TMEM108: variants seen among roughly 807,000 people sequenced by gnomAD.
TMEM108 encodes the protein cancer/testis antigen 124.
Under a neutral mutation model 35.1 loss-of-function variants are expected in TMEM108, and 12 were observed. The observed-to-expected ratio is 0.34, with a 90% CI of 0.22 to 0.55. The LOEUF (loss-of-function observed/expected upper bound fraction) is 0.55. Ranked by LOEUF, TMEM108 falls within the 20% of genes least tolerant of loss-of-function variation. TMEM108 has a pLI of 0.89. For missense variants in TMEM108, 680 were observed against 753.3 expected, an observed-to-expected ratio of 0.90 and a Z score of 1.14; for synonymous variants, 287 against 308.6, an observed-to-expected ratio of 0.93 and a Z score of 0.73.
At chr3:133,321,389 C>T (rs190642458) in intron 3 of TMEM108, among the ~76,000 whole-genome samples, 1 of 152,234 alleles carries the variant, frequency 6.6e-6, no homozygotes, top group Admixed American at 6.5e-5. Context: ...ACAAAACAAA[C>T]TTTGAAGCAA....
intron 2 of TMEM108, among the ~76,000 whole-genome samples, chr3:133,139,208 T>C (rs1370777230): frequency 5.3e-5 from 8 of 152,240 alleles, no homozygotes; most frequent in Non-Finnish European, 1.2e-4. Context: ...TTGTGAATAG[T>C]GCTGCAATAA....
At chr3:133,381,303 A>G (rs938699001) in intron 4 of TMEM108, 142 bp downstream of exon 4, 17 of 888,452 alleles carry the variant, frequency 1.9e-5, no homozygotes, top group Non-Finnish European at 2.4e-5. Flanking sequence ...GTATCAGGAC[A>G]GGTTATCCCT....
At chr3:133,348,704 G>A (rs768541170) in intron 3 of TMEM108, among the ~76,000 whole-genome samples, 15 of 152,120 alleles carry the variant, frequency 9.9e-5, no homozygotes, top group Non-Finnish European at 2.2e-4. Context: ...TTGGCTCAGT[G>A]AGATTTCTGG....
intron 4 of TMEM108, 123 bp downstream of exon 4, chr3:133,381,284 G>A: frequency 9.5e-7 from 1 of 1,057,156 alleles, no homozygotes; most frequent in Admixed American, 2.8e-5. Context: ...CAGAATCTCA[G>A]GAAACTAGGT....
intron 2 of TMEM108, among the ~76,000 whole-genome samples, chr3:133,181,383 T>G (rs1044715026): frequency 6.6e-6 from 1 of 152,228 alleles, no homozygotes; most frequent in African/African-American, 2.4e-5. Flanking sequence ...TCCTTGTGAC[T>G]ACCATGAACT....
Position 133,271,255 on chromosome 3 carries a change from G to T in TMEM108, c.40+41904G>T, listed in dbSNP as rs1012220154. On this transcript the variant is annotated intron_variant, in intron 3 of 5. Coordinates refer to ENST00000321871, the MANE Select transcript of TMEM108 (RefSeq NM_023943.4). ...TCTGCTGTAGAACGGAAAGAGTTGG[G>T]AAACAGGAGGAGGACCAGAGAATAG... is the stretch of plus-strand genomic sequence containing the variant. Among the ~76,000 whole-genome samples, 4 of 152,332 alleles carry T rather than the reference G, an allele frequency of 2.6e-5. No homozygotes were observed. The South Asian group carries it at 8.3e-4, about 32-fold the overall frequency.
chr3:133,101,410 G>A (rs138011873), intron 2 of TMEM108, among the ~76,000 whole-genome samples: 7 of 152,170 alleles, frequency 4.6e-5, no homozygotes, highest in Admixed American at 2.6e-4. Context: ...TATTTCCAAC[G>A]TGATCCTTCT....
At chr3:133,057,435 G>GTATATATATATATA (rs56983894) in intron 2 of TMEM108, among the ~76,000 whole-genome samples, 2 of 45,756 alleles carry the variant, frequency 4.4e-5, no homozygotes, top group African/African-American at 1.4e-4. Context: ...GTGTGTGTGT[G>GTATATATATATATA]TATATATATA....
chr3:133,222,424 A>G (rs1483365868), intron 2 of TMEM108, among the ~76,000 whole-genome samples: 1 of 151,980 alleles, frequency 6.6e-6, no homozygotes, highest in Non-Finnish European at 1.5e-5. Context: ...CTGGATATTT[A>G]TGTCTTTTCC....
chr3:133,384,951 TGACACTA>T (rs369535588), intron 4 of TMEM108, among the ~76,000 whole-genome samples: 2 of 152,322 alleles, frequency 1.3e-5, no homozygotes, highest in South Asian at 2.1e-4. Context: ...CCTCTCTCTC[TGACACTA>T]GACACTTGAG....
At chr3:133,305,065 C>G (rs1412662871) in intron 3 of TMEM108, among the ~76,000 whole-genome samples, 1 of 151,948 alleles carries the variant, frequency 6.6e-6, no homozygotes, top group Non-Finnish European at 1.5e-5. Context: ...GCCCAGGCAA[C>G]AGAGCGAGAC....
intron 3 of TMEM108, among the ~76,000 whole-genome samples, chr3:133,236,627 T>C (rs1188652547): frequency 2.6e-5 from 4 of 152,126 alleles, no homozygotes; most frequent in Non-Finnish European, 5.9e-5. Context: ...AGTGGAACCC[T>C]TGAAAACACT....
intron 2 of TMEM108, among the ~76,000 whole-genome samples, chr3:133,129,026 A>G (rs573350260): frequency 6.6e-6 from 1 of 152,290 alleles, no homozygotes; most frequent in South Asian, 2.1e-4. Context: ...CCTCTCTGGC[A>G]TAAAGTCCCC....
intron 2 of TMEM108, among the ~76,000 whole-genome samples, chr3:133,200,338 A>G (rs1945644600): frequency 1.3e-5 from 2 of 152,242 alleles, no homozygotes; most frequent in Admixed American, 6.5e-5. Flanking sequence ...AATGCGGAAC[A>G]TGGGATTGGA....
At chr3:133,275,924 C>G (rs1395833762) in intron 3 of TMEM108, among the ~76,000 whole-genome samples, 1 of 152,164 alleles carries the variant, frequency 6.6e-6, no homozygotes, top group Admixed American at 6.5e-5. Context: ...TGCTTAGTTG[C>G]TTTATTTGTC....
At chr3:133,389,351 C>T in intron 4 of TMEM108, 1 of 985,502 alleles carries the variant, frequency 1.0e-6, no homozygotes, top group Non-Finnish European at 1.2e-6. Flanking sequence ...TGCAGGTGGG[C>T]TTTTGCATCA....
At chr3:133,267,082 A>G (rs999981349) in intron 3 of TMEM108, among the ~76,000 whole-genome samples, 2 of 146,670 alleles carry the variant, frequency 1.4e-5, no homozygotes, top group South Asian at 2.1e-4. Flanking sequence ...CTCCACCTCA[A>G]AAAAAAAAAA....
At chr3:133,060,497 T>C (rs1456215372) in intron 2 of TMEM108, among the ~76,000 whole-genome samples, 2 of 152,208 alleles carry the variant, frequency 1.3e-5, no homozygotes, top group Non-Finnish European at 2.9e-5. Flanking sequence ...ATTCTATGAA[T>C]AGCTTACAGT....
chr3:133,314,905 C>T (rs906144778), intron 3 of TMEM108, among the ~76,000 whole-genome samples: 1 of 152,202 alleles, frequency 6.6e-6, no homozygotes, highest in Non-Finnish European at 1.5e-5. Context: ...TTTGCCCTTT[C>T]AAGACACTCT....
Sources: allele counts gnomAD v4.1 joint callset (sites outside exome capture counted in the v4.1 genomes callset), GRCh38; gene constraint gnomAD v4.1.1; transcripts MANE v1.5; gene names NCBI Gene and HGNC (gene_info 2026-07-23, HGNC 2026-07-21).